Variants in TENT4A observed in about 807,000 individuals in gnomAD.
The protein encoded by TENT4A is DNA polymerase kappa.
A neutral mutation model predicts 72.8 loss-of-function variants in TENT4A; 7 were observed. The ratio of observed to expected loss-of-function variants is 0.10; its 90% confidence interval spans 0.05 to 0.18. The LOEUF (loss-of-function observed/expected upper bound fraction) is 0.18. TENT4A is among the 10% of genes least tolerant of loss of function. The pLI is 1.00. For synonymous variants in TENT4A, 456 were observed against 434.3 expected (o/e 1.05, Z -0.62); for missense variants, 831 against 1,017.7 (o/e 0.82, Z 2.50).
chr5:6,741,119 C>A (rs1323954598), intron 4 of TENT4A, among the ~76,000 whole-genome samples: 1 of 152,182 alleles, frequency 6.6e-6, no homozygotes, highest in African/African-American at 2.4e-5. Flanking sequence ...GTAGGTTGAG[C>A]AGTTACAGTA....
chr5:6,741,196 C>CT (rs1561039059), intron 4 of TENT4A, among the ~76,000 whole-genome samples: 1 of 152,188 alleles, frequency 6.6e-6, no homozygotes, highest in African/African-American at 2.4e-5. Flanking sequence ...CCTCTGTTAC[C>CT]TGAGGGCCAG....
chr5:6,738,546 G>A (rs1741629528), intron 2 of TENT4A, 137 bp from the exon 3 acceptor site: 1 of 711,598 alleles, frequency 1.4e-6, no homozygotes, highest in African/African-American at 1.8e-5. Flanking sequence ...TTGTTATACG[G>A]TCCCCTCCAT....
intron 1 of TENT4A, among the ~76,000 whole-genome samples, chr5:6,726,998 G>C (rs1375253577): frequency 2.0e-5 from 3 of 152,028 alleles, no homozygotes; most frequent in Non-Finnish European, 4.4e-5. Context: ...CTTAGTACAT[G>C]GGCTCTGCCT....
intron 1 of TENT4A, among the ~76,000 whole-genome samples, chr5:6,734,527 G>A (rs1466815119): frequency 1.3e-5 from 2 of 152,256 alleles, no homozygotes; most frequent in African/African-American, 4.8e-5. Context: ...GAGCCTTCTT[G>A]TCTGACTCCG....
In TENT4A at chr5:6,713,869, ACC is replaced by A. The variant is rs1740217851; in HGVS notation, c.-114_-113del. Reference sequence around the variant, plus strand: ...CGCCGCCGCCGCCGCCGCCGCCGCCACCGGCCCAGGCCCGTCCGTCCGTCCGT... The same window carrying A: ...CGCCGCCGCCGCCGCCGCCGCCGCCAGGCCCAGGCCCGTCCGTCCGTCCGT... On this transcript the variant is annotated 5_prime_UTR_variant, in exon 1 of 13. Transcript: ENST00000230859. 5.2e-6 allele frequency: 1 copy of A among 190,492 alleles called. No homozygotes were observed. Among genetic ancestry groups the A allele is most frequent in the East Asian group, 2.2e-4 (1 of 4,582 alleles). 11.8% of individuals were successfully genotyped at this position (190,492 alleles called of 1,614,324 possible). A position where few individuals can be genotyped will look rare whatever the true frequency, so the allele number is the denominator to read the frequency against.
intron 1 of TENT4A, among the ~76,000 whole-genome samples, chr5:6,731,757 G>A (rs1485614679): frequency 6.6e-6 from 1 of 152,084 alleles, no homozygotes; most frequent in Non-Finnish European, 1.5e-5. Context: ...TTTTCGTGAC[G>A]TTTCCTTTCC....
chr5:6,714,274 G>A lies in TENT4A; in HGVS notation c.291G>A (p.Glu97=), dbSNP rs1740244887. The change falls in exon 1 of 13, where the codon GAG becomes GAA. Residue 97 remains glutamate (E), a synonymous_variant. Coordinates refer to ENST00000230859, the MANE Select transcript of TENT4A (RefSeq NM_006999.6). The part of the protein sequence containing the change: ...ALLTALGPAA[E]GARRLHKSPS... ...TGACGGCGCTGGGGCCCGCGGCCGA[G>A]GGCGCGCGGCGCTTGCACAAGTCGC... The A allele has an allele frequency of 1.9e-6, 2 of 1,067,954 alleles. No homozygotes were observed. Among genetic ancestry groups the A allele is most frequent in the Admixed American group, 5.4e-5 (1 of 18,402 alleles). The allele number at this position is 1,067,954 out of a possible 1,614,324, so 66.2% of individuals were successfully genotyped here. A position where few individuals can be genotyped will look rare whatever the true frequency, so the allele number is the denominator to read the frequency against.
intron 5 of TENT4A, 134 bp downstream of exon 5, chr5:6,742,731 C>T (rs1316897275): frequency 2.2e-5 from 13 of 588,372 alleles, no homozygotes; most frequent in Non-Finnish European, 9.3e-6. Flanking sequence ...TACATTATTT[C>T]TCCTACAATA....
chr5:6,727,677 T>C (rs1741004422), intron 1 of TENT4A, among the ~76,000 whole-genome samples: 1 of 152,142 alleles, frequency 6.6e-6, no homozygotes, highest in African/African-American at 2.4e-5. Context: ...TCAGGGAGGC[T>C]CTCCCTGACC....
rs776754058 is a variant in TENT4A, at chr5:6,750,334, G to A, written c.1691G>A (p.Ser564Asn). ...CCAAGGCTTTTTCCCTCCACAGACA[G>A]CAGGATCAAGATCAAAGAGCGAATA... is the stretch of plus-strand genomic sequence containing the variant. ...SKAHPSPGMDSRIKIKERIAT... is the reference protein window; with the variant it reads ...SKAHPSPGMDNRIKIKERIAT... Residue 564 changes from serine to asparagine, a missense_variant, in exon 10 of 13, where the codon AGC (serine) becomes AAC (asparagine). Transcript: ENST00000230859. 1.2e-6 allele frequency: 2 copies of A among 1,609,290 alleles called. No homozygotes were observed. The highest frequency in any genetic ancestry group is 2.2e-5 in the South Asian group (2 of 90,456).
In TENT4A at chr5:6,714,708, G is replaced by T; in HGVS notation, c.716+9G>T. On this transcript the variant is annotated intron_variant, in intron 1 of 12. Coordinates refer to ENST00000230859, the MANE Select transcript of TENT4A (RefSeq NM_006999.6). Reference sequence around the variant, plus strand: ...AGCCCGGGCATCCAGGGGTGAGTGCGCGGGGAGGCCGCGGGGGCGGGGGCG... The same window carrying T: ...AGCCCGGGCATCCAGGGGTGAGTGCTCGGGGAGGCCGCGGGGGCGGGGGCG... The T allele has an allele frequency of 8.4e-7, 1 of 1,184,608 alleles. No individual in the cohort carries two copies. Among genetic ancestry groups the T allele is most frequent in the Non-Finnish European group, 1.0e-6 (1 of 956,134 alleles). The allele number at this position is 1,184,608 out of a possible 1,614,324, so 73.4% of individuals were successfully genotyped here.
intron 1 of TENT4A, among the ~76,000 whole-genome samples, chr5:6,715,448 A>C (rs1740322696): frequency 6.6e-6 from 1 of 152,196 alleles, no homozygotes; most frequent in Admixed American, 6.5e-5. Context: ...GTCCCAGGTG[A>C]GGCTGTTCAG....
At chr5:6,736,596 C>A (rs572666762) in intron 1 of TENT4A, among the ~76,000 whole-genome samples, 1 of 152,224 alleles carries the variant, frequency 6.6e-6, no homozygotes, top group African/African-American at 2.4e-5. Flanking sequence ...GAAAAGAGGA[C>A]GACAGCACTT....
intron 1 of TENT4A, among the ~76,000 whole-genome samples, chr5:6,734,413 C>T (rs1027351885): frequency 3.3e-5 from 5 of 152,236 alleles, no homozygotes; most frequent in South Asian, 2.1e-4. Flanking sequence ...CACTGTCCCA[C>T]GGCCGCCACC....
At chr5:6,728,605 T>C (rs915986641) in intron 1 of TENT4A, among the ~76,000 whole-genome samples, 4 of 152,246 alleles carry the variant, frequency 2.6e-5, no homozygotes, top group Non-Finnish European at 5.9e-5. Context: ...AGGGGCCTTT[T>C]AGCCATGCGG....
chr5:6,738,878 C>T (rs1032914299), intron 3 of TENT4A, 149 bp downstream of exon 3: 1 of 674,966 alleles, frequency 1.5e-6, no homozygotes, highest in Non-Finnish European at 2.6e-6. Context: ...GGGAAATTGG[C>T]AGAAAGATTT....
chr5:6,714,758 C>A (rs890621656), intron 1 of TENT4A, 59 bp downstream of exon 1: 1 of 1,001,072 alleles, frequency 1.0e-6, no homozygotes, highest in Non-Finnish European at 1.3e-6. Context: ...GGCCGGCGCC[C>A]GCGGTGCAGA....
chr5:6,746,356 A>G lies in TENT4A; in HGVS notation c.1388A>G (p.Glu463Gly). Residue 463 changes from glutamate to glycine, a missense_variant, in exon 7 of 13, where the codon GAG becomes GGG. Transcript: ENST00000230859. ...GAAGGAGGTGCCTATATCGCCAAAG[A>G]GGAGATCATGAAAGCCATGACCAGC... is the stretch of plus-strand genomic sequence containing the variant. ...IKEGGAYIAKEEIMKAMTSGY... is the reference protein window; with the variant it reads ...IKEGGAYIAKGEIMKAMTSGY... 1 of 1,614,170 alleles carries G rather than the reference A, an allele frequency of 6.2e-7. No individual in the cohort carries two copies. The highest frequency in any genetic ancestry group is 1.1e-5 in the South Asian group (1 of 91,084).
intron 7 of TENT4A, among the ~76,000 whole-genome samples, chr5:6,747,066 G>A (rs28381398): frequency 0.021 from 3,185 of 152,352 alleles, 38 homozygotes; most frequent in Non-Finnish European, 0.029. Context: ...ATAAAACCAT[G>A]TGTTAACGCT....
Sources: allele counts gnomAD v4.1 joint callset (sites outside exome capture counted in the v4.1 genomes callset), GRCh38; gene constraint gnomAD v4.1.1; transcripts MANE v1.5; gene names NCBI Gene and HGNC (gene_info 2026-07-23, HGNC 2026-07-21).